ZBTB20: variants seen among roughly 807,000 people sequenced by gnomAD.
The protein encoded by ZBTB20 is zinc finger and BTB domain containing 20.
A neutral mutation model predicts 56.9 loss-of-function variants in ZBTB20; 9 were observed. That is an observed-to-expected ratio of 0.16 (90% CI 0.10 to 0.28). The LOEUF (loss-of-function observed/expected upper bound fraction) is 0.28. Ranked by LOEUF, ZBTB20 falls within the 10% of genes least tolerant of loss-of-function variation. The pLI is 1.00. For missense variants in ZBTB20, 655 were observed against 1,003.0 expected (o/e 0.65, Z 4.69); for synonymous variants, 417 against 420.7 (o/e 0.99, Z 0.11).
intron 6 of ZBTB20, among the ~76,000 whole-genome samples, chr3:114,650,184 A>G (rs939649760): frequency 6.6e-6 from 1 of 151,268 alleles, no homozygotes; most frequent in Non-Finnish European, 1.5e-5. Flanking sequence ...ATTCTGAAAA[A>G]ATTATTCACA....
At chr3:114,394,191 T>G (rs2086140340) in intron 7 of ZBTB20, among the ~76,000 whole-genome samples, 1 of 152,182 alleles carries the variant, frequency 6.6e-6, no homozygotes, top group African/African-American at 2.4e-5. Context: ...CTCATAGCAA[T>G]GCTATGGTGT....
At chr3:115,085,987 A>G (rs2082972248) in intron 1 of ZBTB20, among the ~76,000 whole-genome samples, 1 of 151,954 alleles carries the variant, frequency 6.6e-6, no homozygotes, top group African/African-American at 2.4e-5. Context: ...AAAAATGTAC[A>G]AAAACGGGCG....
chr3:114,848,875 A>G (rs2074853625), intron 4 of ZBTB20, among the ~76,000 whole-genome samples: 1 of 152,154 alleles, frequency 6.6e-6, no homozygotes, highest in Admixed American at 6.6e-5. Context: ...CCTTCCTACA[A>G]ATCCAATCAG....
intron 6 of ZBTB20, among the ~76,000 whole-genome samples, chr3:114,542,460 C>T (rs1281226436): frequency 6.6e-6 from 1 of 152,038 alleles, no homozygotes; most frequent in Non-Finnish European, 1.5e-5. Context: ...CGGTGCAGAG[C>T]CCAGGAAGGT....
intron 2 of ZBTB20, among the ~76,000 whole-genome samples, chr3:115,055,504 A>C (rs935949525): frequency 2.6e-5 from 4 of 152,144 alleles, no homozygotes; most frequent in African/African-American, 4.8e-5. Context: ...TAAGCTGCTA[A>C]GTCTGTGGTA....
At chr3:114,841,806 G>C (rs2074396373) in intron 4 of ZBTB20, among the ~76,000 whole-genome samples, 1 of 152,172 alleles carries the variant, frequency 6.6e-6, no homozygotes, top group South Asian at 2.1e-4. Flanking sequence ...CTGAGCTGGA[G>C]AAATATGTGG....
intron 5 of ZBTB20, among the ~76,000 whole-genome samples, chr3:114,748,353 T>C (rs372005296): frequency 5.5e-3 from 36 of 6,598 alleles, no homozygotes; most frequent in African/African-American, 8.2e-3. Flanking sequence ...TTCTTTCTTT[T>C]CTCTCTCTCT....
intron 7 of ZBTB20, among the ~76,000 whole-genome samples, chr3:114,409,125 CTTTTTTTT>C (rs56339103): frequency 1.0e-3 from 74 of 71,980 alleles, no homozygotes; most frequent in Admixed American, 2.9e-3. Context: ...AAAGGGAAGA[CTTTTTTTT>C]TTTTTTTTTT....
chr3:114,429,710 A>AC (rs113951328), intron 7 of ZBTB20, among the ~76,000 whole-genome samples: 41 of 151,796 alleles, frequency 2.7e-4, no homozygotes, highest in Admixed American at 3.3e-4. Flanking sequence ...GAAAAAAAAA[A>AC]CCTCCAATAA....
chr3:115,131,827 C>A (rs959764390), intron 1 of ZBTB20, among the ~76,000 whole-genome samples: 1 of 152,032 alleles, frequency 6.6e-6, no homozygotes, highest in African/African-American at 2.4e-5. Flanking sequence ...TTATGCCAGT[C>A]CCATTAATTT....
At chr3:114,694,473 T>C (rs1287591908) in intron 5 of ZBTB20, among the ~76,000 whole-genome samples, 1 of 152,062 alleles carries the variant, frequency 6.6e-6, no homozygotes, top group Non-Finnish European at 1.5e-5. Context: ...ATGATTACTT[T>C]AAGCCAAAAT....
intron 10 of ZBTB20, among the ~76,000 whole-genome samples, chr3:114,367,978 A>T (rs951116311): frequency 1.3e-5 from 2 of 152,088 alleles, no homozygotes; most frequent in African/African-American, 4.8e-5. Context: ...TCTCAGGGGG[A>T]AAGGATGGGG....
chr3:114,525,458 T>C (rs1312468283), intron 6 of ZBTB20, among the ~76,000 whole-genome samples: 1 of 152,136 alleles, frequency 6.6e-6, no homozygotes, highest in African/African-American at 2.4e-5. Flanking sequence ...GATTTCATCA[T>C]ATTTCTCCCT....
rs1439791133 is a variant in ZBTB20, at chr3:114,753,349, T to TATACACAC, written c.-343+47751_-343+47752insGTGTGTAT. Among the ~76,000 whole-genome samples, 9 of 88,526 alleles carry TATACACAC rather than the reference T, an allele frequency of 1.0e-4. No individual in the cohort carries two copies. The Admixed American group carries it at 1.1e-3, about 11-fold the overall frequency. The allele number at this position is 88,526 out of a possible 152,430, so 58.1% of individuals were successfully genotyped here. A position where few individuals can be genotyped will look rare whatever the true frequency, so the allele number is the denominator to read the frequency against. ...CCTGTATATATAATGTATATATGTATACATTATATATAATGTATATATAAT... is the reference window on the plus strand; with the variant it reads ...CCTGTATATATAATGTATATATGTATATACACACACATTATATATAATGTATATATAAT... On this transcript the variant is annotated intron_variant, in intron 5 of 11. Transcript: ENST00000675478.
At chr3:114,866,188 A>G (rs1251110501) in intron 4 of ZBTB20, among the ~76,000 whole-genome samples, 1 of 152,230 alleles carries the variant, frequency 6.6e-6, no homozygotes, top group Non-Finnish European at 1.5e-5. Context: ...TGTTCCAGTT[A>G]TCGATGCTAA....
chr3:114,900,088 A>G (rs1465326949), intron 4 of ZBTB20, among the ~76,000 whole-genome samples: 1 of 152,184 alleles, frequency 6.6e-6, no homozygotes, highest in Non-Finnish European at 1.5e-5. Flanking sequence ...TATTTGCCTT[A>G]TCAAATCTTA....
At chr3:114,399,004 C>T (rs1406457074) in intron 7 of ZBTB20, among the ~76,000 whole-genome samples, 2 of 152,050 alleles carry the variant, frequency 1.3e-5, no homozygotes, top group East Asian at 1.9e-4. Flanking sequence ...CATACAACAG[C>T]GCAGGGCAGG....
chr3:115,137,671 A>G (rs950511018), intron 1 of ZBTB20, among the ~76,000 whole-genome samples: 21 of 152,132 alleles, frequency 1.4e-4, no homozygotes, highest in Non-Finnish European at 4.4e-5. Context: ...GACAAAAGCT[A>G]AATTCCATAA....
At chr3:114,430,996 T>TG (rs2090077640) in intron 7 of ZBTB20, among the ~76,000 whole-genome samples, 1 of 152,202 alleles carries the variant, frequency 6.6e-6, no homozygotes, top group Non-Finnish European at 1.5e-5. Context: ...AATGAAAACA[T>TG]GGAGTTTCTC....
Sources: allele counts gnomAD v4.1 joint callset (sites outside exome capture counted in the v4.1 genomes callset), GRCh38; gene constraint gnomAD v4.1.1; transcripts MANE v1.5; gene names NCBI Gene and HGNC (gene_info 2026-07-23, HGNC 2026-07-21).